The following PKIB variants were observed in gnomAD, a reference collection of about 807,000 sequenced individuals.
PKIB encodes cAMP-dependent protein kinase inhibitor beta.
PKIB carries 2 observed loss-of-function variants against 4.5 expected under a neutral mutation model. The observed-to-expected ratio is 0.44, with a 90% CI of 0.18 to 1.39. The LOEUF (loss-of-function observed/expected upper bound fraction) is 1.39. Ranked by LOEUF, PKIB falls within the 40% of genes most tolerant of loss-of-function variation. PKIB has a pLI of 0.27. For synonymous variants in PKIB, 38 were observed against 36.0 expected (o/e 1.06, Z -0.20); for missense variants, 94 against 92.6 (o/e 1.02, Z -0.06).
chr6:122,543,120 C>A (rs9482251), intron 2 of PKIB, among the ~76,000 whole-genome samples: 2 of 152,036 alleles, frequency 1.3e-5, no homozygotes, highest in African/African-American at 4.8e-5. Flanking sequence ...GTCTGTCACC[C>A]CTTTCTTTGA....
intron 1 of PKIB, among the ~76,000 whole-genome samples, chr6:122,621,132 G>C (rs1032051903): frequency 1.3e-5 from 2 of 152,180 alleles, no homozygotes; most frequent in Non-Finnish European, 2.9e-5. Context: ...GGAGGAAGAA[G>C]ACCAGCTTAG....
intron 2 of PKIB, among the ~76,000 whole-genome samples, chr6:122,672,043 A>C (rs1777484597): frequency 6.6e-6 from 1 of 152,248 alleles, no homozygotes; most frequent in African/African-American, 2.4e-5. Context: ...TCCTGCAAGC[A>C]AATACTGATT....
chr6:122,499,778 T>C lies in PKIB; in HGVS notation c.-248+21839T>C, dbSNP rs1010772157. Among the ~76,000 whole-genome samples, 7 of 152,160 alleles carry C rather than the reference T, an allele frequency of 4.6e-5. 1 individual carries two copies. Among genetic ancestry groups the C allele is most frequent in the Admixed American group, 2.6e-4 (4 of 15,276 alleles). ...AAAGAAGAAGCCAAATTTCATCTCT[T>C]TTTGCTGATGATCTAATTCTATACC... On this transcript the variant is annotated intron_variant, in intron 2 of 6. Transcript: ENST00000392491.
At chr6:122,549,099 ATG>A (rs1772589953) in intron 2 of PKIB, among the ~76,000 whole-genome samples, 1 of 152,150 alleles carries the variant, frequency 6.6e-6, no homozygotes, top group East Asian at 1.9e-4. Flanking sequence ...AGGCTGAATC[ATG>A]TGTCAGCCCT....
In PKIB at chr6:122,617,208, A is replaced by G. The variant is rs375875566; in HGVS notation, c.-161+6673A>G. ...TGTGGTCAAAGTTCTACACCTCTGAAATCAAACAGTCATTTCAGGTTTTTC... is the reference window on the plus strand; with the variant it reads ...TGTGGTCAAAGTTCTACACCTCTGAGATCAAACAGTCATTTCAGGTTTTTC... On this transcript the variant is annotated intron_variant, in intron 1 of 4. Transcript: ENST00000368452. Among the ~76,000 whole-genome samples, 355 of 152,252 alleles carry G rather than the reference A, an allele frequency of 2.3e-3. 1 individual carries two copies. The highest frequency in any genetic ancestry group is 8.2e-3 in the African/African-American group (340 of 41,548).
At chr6:122,554,925 A>C (rs185397091) in intron 2 of PKIB, among the ~76,000 whole-genome samples, 1 of 152,230 alleles carries the variant, frequency 6.6e-6, no homozygotes, top group South Asian at 2.1e-4. Context: ...AAGATTTTCA[A>C]TAAAACCAAC....
chr6:122,696,184 C>A (rs1047780250), intron 3 of PKIB, among the ~76,000 whole-genome samples: 10 of 152,078 alleles, frequency 6.6e-5, no homozygotes, highest in Non-Finnish European at 1.3e-4. Context: ...ATGACAATAG[C>A]CTGACTTTTT....
intron 2 of PKIB, among the ~76,000 whole-genome samples, chr6:122,538,011 T>A (rs1439390875): frequency 6.6e-6 from 1 of 152,110 alleles, no homozygotes; most frequent in Non-Finnish European, 1.5e-5. Flanking sequence ...CTTTGCCCAC[T>A]TTTTGATGGG....
intron 2 of PKIB, among the ~76,000 whole-genome samples, chr6:122,573,777 T>G (rs1773444232): frequency 6.6e-6 from 1 of 151,978 alleles, no homozygotes; most frequent in South Asian, 2.1e-4. Flanking sequence ...TACCTCAAAG[T>G]AATAAAAGTA....
chr6:122,686,729 T>C (rs1778106768), intron 3 of PKIB, among the ~76,000 whole-genome samples: 2 of 152,116 alleles, frequency 1.3e-5, no homozygotes, highest in African/African-American at 4.8e-5. Context: ...GCAGAAGTGA[T>C]TCTCCTGCCT....
chr6:122,602,904 C>T lies in PKIB; in HGVS notation c.-161+16897C>T, dbSNP rs141907634. On this transcript the variant is annotated intron_variant, in intron 3 of 6. Transcript: ENST00000392491. ...CCAGGAGGCAGAAGTTGCAGCGAGC[C>T]GAGATCGCACCACGGCACTCCAGCC... Among the ~76,000 whole-genome samples the T allele has an allele frequency of 3.8e-3, 546 of 143,352 alleles. 1 individual carries two copies. The highest frequency in any genetic ancestry group is 0.013 in the African/African-American group (505 of 38,840). 94.0% of individuals were successfully genotyped at this position (143,352 alleles called of 152,430 possible).
At chr6:122,702,600 A>G (rs1778870252) in intron 3 of PKIB, among the ~76,000 whole-genome samples, 1 of 152,052 alleles carries the variant, frequency 6.6e-6, no homozygotes, top group African/African-American at 2.4e-5. Flanking sequence ...GATTACAGGC[A>G]TGAGTCACTG....
intron 2 of PKIB, among the ~76,000 whole-genome samples, chr6:122,652,488 CT>C (rs1264118510): frequency 2.0e-5 from 3 of 152,058 alleles, no homozygotes; most frequent in Non-Finnish European, 4.4e-5. Flanking sequence ...CTCATCTGTT[CT>C]TTTGATGATT....
chr6:122,707,811 C>T (rs188667857), intron 3 of PKIB, among the ~76,000 whole-genome samples: 8 of 152,064 alleles, frequency 5.3e-5, no homozygotes, highest in Admixed American at 3.3e-4. Flanking sequence ...GTATATGTGC[C>T]GCTGAAAAAA....
chr6:122,643,812 C>T (rs1776207968), intron 2 of PKIB: 1 of 151,982 alleles, frequency 6.6e-6, no homozygotes, highest in African/African-American at 2.4e-5. Flanking sequence ...AAGATGAAAT[C>T]ACTATTTAAA....
chr6:122,588,872 G>A (rs796484038), intron 3 of PKIB, among the ~76,000 whole-genome samples: 4 of 152,272 alleles, frequency 2.6e-5, no homozygotes, highest in African/African-American at 7.2e-5. Context: ...TGGAGAGGCT[G>A]CACAACTTCT....
At chr6:122,528,017 T>C (rs995546421) in intron 2 of PKIB, among the ~76,000 whole-genome samples, 10 of 152,190 alleles carry the variant, frequency 6.6e-5, no homozygotes, top group African/African-American at 2.4e-4. Context: ...TCCAATTGTG[T>C]CAAAGTTTGC....
intron 3 of PKIB, among the ~76,000 whole-genome samples, chr6:122,700,419 C>T (rs1778765626): frequency 6.6e-6 from 1 of 151,470 alleles, no homozygotes; most frequent in Non-Finnish European, 1.5e-5. Flanking sequence ...GCAATGGTTG[C>T]TTTATATGGT....
intron 2 of PKIB, among the ~76,000 whole-genome samples, chr6:122,541,870 CT>C (rs1361354173): frequency 6.6e-6 from 1 of 151,896 alleles, no homozygotes; most frequent in Non-Finnish European, 1.5e-5. Context: ...TTCTCGGAGG[CT>C]TTGTTCGTTT....
Sources: allele counts gnomAD v4.1 joint callset (sites outside exome capture counted in the v4.1 genomes callset), GRCh38; gene constraint gnomAD v4.1.1; transcripts MANE v1.5; gene names NCBI Gene and HGNC (gene_info 2026-07-23, HGNC 2026-07-21).